The following OTOF variants were observed in gnomAD, a reference collection of about 807,000 sequenced individuals.
OTOF encodes the protein otoferlin, also known as fer-1-like family member 2.
Under a neutral mutation model 236.8 loss-of-function variants are expected in OTOF, and 218 were observed. The ratio of observed to expected loss-of-function variants is 0.92; its 90% CI spans 0.82 to 1.03. OTOF has a LOEUF of 1.03. OTOF is among the 50% of genes least tolerant of loss of function. The probability of loss-of-function intolerance (pLI) is 0.00; values close to 1 mark genes in which losing one functional copy is unlikely to be tolerated. For synonymous variants in OTOF, 1,041 were observed against 1,072.5 expected (o/e 0.97, Z 0.57); for missense variants, 2,590 against 2,694.4 (o/e 0.96, Z 0.86).
At chr2:26,506,274 T>C (rs1388030695) in intron 5 of OTOF, among the ~76,000 whole-genome samples, 1 of 152,234 alleles carries the variant, frequency 6.6e-6, no homozygotes, top group East Asian at 1.9e-4. Flanking sequence ...GGCTCAGCGT[T>C]TGACTTTGCA....
chr2:26,482,772 G>C (rs1308969621), intron 13 of OTOF, among the ~76,000 whole-genome samples, 180 bp from the exon 14 acceptor site: 20 of 137,592 alleles, frequency 1.5e-4, no homozygotes, highest in African/African-American at 5.4e-4. Flanking sequence ...TGTGTGAGTG[G>C]GTGCGCGTGC....
chr2:26,470,315 A>G lies in OTOF; in HGVS notation c.4023+278T>C, dbSNP rs150844313. ...GCAGGTGTGGCATCTTTTGGCTCCC[A>G]TAGCACCTAGTATGGAGCCTGGCTC... On this transcript the variant is annotated intron_variant, in intron 32 of 46. Coordinates refer to ENST00000272371, the MANE Select transcript of OTOF (RefSeq NM_194248.3). This position sits in a 1 kb window ranked among gnomAD's most constrained non-coding sequence, Gnocchi z 4.3. 6.4e-3 allele frequency among the ~76,000 whole-genome samples: 980 copies of G among 152,260 alleles called. 7 individuals carry two copies. Among genetic ancestry groups the G allele is most frequent in the Non-Finnish European group, 0.01 (695 of 68,024 alleles).
intron 16 of OTOF, 57 bp from the exon 17 acceptor site, chr2:26,479,710 C>A: frequency 1.3e-6 from 2 of 1,551,616 alleles, no homozygotes; most frequent in Non-Finnish European, 8.9e-7. Context: ...GCCCCTCCCA[C>A]CGTCCAATCC....
chr2:26,476,790 C>T lies in OTOF; in HGVS notation c.2676+101G>A, dbSNP rs1312092243. ...TTGGCTCTTCTCTGAGCACCTGCTGCTTGAAGGCCCCACCCTGTCACTCAG... is the reference window on the plus strand; with the variant it reads ...TTGGCTCTTCTCTGAGCACCTGCTGTTTGAAGGCCCCACCCTGTCACTCAG... On this transcript the variant is annotated intron_variant, in intron 22 of 46. Transcript: ENST00000272371. 4.7e-6 allele frequency: 5 copies of T among 1,060,864 alleles called. No individual in the cohort carries two copies. The African/African-American group carries it at 4.8e-5, about 10-fold the overall frequency. 65.7% of individuals were successfully genotyped at this position (1,060,864 alleles called of 1,614,324 possible). A position where few individuals can be genotyped will look rare whatever the true frequency, so the allele number is the denominator to read the frequency against.
Position 26,462,097 on chromosome 2 carries a change from G to A in OTOF, c.5277C>T (p.Asp1759=). 6.2e-7 allele frequency: 1 copy of A among 1,603,462 alleles called. No individual in the cohort carries two copies. Among genetic ancestry groups the A allele is most frequent in the Non-Finnish European group, 8.5e-7 (1 of 1,171,282 alleles). Reference sequence around the variant, plus strand: ...TGCTCACCCACCCCCTCACGAAGATGTCACTGGACTTCTCCCCTGTGAAGA... The same window carrying A: ...TGCTCACCCACCCCCTCACGAAGATATCACTGGACTTCTCCCCTGTGAAGA... ...DDFFTGEKSS[D]IFVRGWLKGQ... The change falls in exon 42 of 47, where the codon GAC becomes GAT. Residue 1759 remains aspartate, a synonymous_variant. Coordinates refer to ENST00000272371, the MANE Select transcript of OTOF (RefSeq NM_194248.3). The surrounding 1 kb of genome is among the most constrained non-coding windows in gnomAD (Gnocchi z 4.7).
At chr2:26,533,903 G>C (rs1667007178) in intron 2 of OTOF, among the ~76,000 whole-genome samples, 1 of 152,032 alleles carries the variant, frequency 6.6e-6, no homozygotes, top group South Asian at 2.1e-4. Context: ...GGTACAAGCA[G>C]AAAGGGGCAG....
At position 26,482,517 on chromosome 2, in the gene OTOF, G is replaced by C. The variant is rs1259277847; in HGVS notation, c.1468C>G (p.Pro490Ala). The C allele has an allele frequency of 6.8e-6, 11 of 1,613,248 alleles. No individual in the cohort carries two copies. The South Asian group carries it at 7.7e-5, about 11-fold the overall frequency. The change falls in exon 14 of 47, where the codon CCA becomes GCA. Residue 490 changes from proline (P) to alanine (A), a missense_variant. Physicochemically the swap from Pro to Ala is conservative, Grantham distance 27. This residue lies in a region of OTOF where 1,379 missense variants were observed against 1,341.6 expected (regional missense o/e 1.03). Coordinates refer to ENST00000272371, the MANE Select transcript of OTOF (RefSeq NM_194248.3). ...EQVVFTDLFP[P>A]LCKRMKVQIR... Reference sequence around the variant, plus strand: ...TGCACCTTCATGCGTTTGCAGAGTGGGGGGAAGAGGTCTGTAAAGACGACC... The same window carrying C: ...TGCACCTTCATGCGTTTGCAGAGTGCGGGGAAGAGGTCTGTAAAGACGACC...
intron 5 of OTOF, among the ~76,000 whole-genome samples, chr2:26,515,868 T>C (rs1343643810): frequency 1.3e-5 from 2 of 152,216 alleles, no homozygotes; most frequent in Non-Finnish European, 2.9e-5. Context: ...CTGTGATCCA[T>C]AGGTGGCAGG....
chr2:26,481,617 C>T (rs980461703), intron 14 of OTOF, among the ~76,000 whole-genome samples: 3 of 152,160 alleles, frequency 2.0e-5, no homozygotes, highest in African/African-American at 7.2e-5. Flanking sequence ...ATATACTTCA[C>T]ATGACATAAA....
At chr2:26,534,614 G>C (rs540330621) in intron 2 of OTOF, among the ~76,000 whole-genome samples, 1 of 152,284 alleles carries the variant, frequency 6.6e-6, no homozygotes, top group East Asian at 1.9e-4. Flanking sequence ...CCCTTACCTA[G>C]TAGAGCTGTG....
At chr2:26,480,740 G>A (rs1401188200) in intron 15 of OTOF, 46 bp downstream of exon 15, 3 of 1,506,554 alleles carry the variant, frequency 2.0e-6, no homozygotes, top group East Asian at 2.3e-5. Flanking sequence ...GGAGAAGGGG[G>A]CTGAGCTGGA....
At chr2:26,505,200 C>T (rs1257860734) in intron 5 of OTOF, among the ~76,000 whole-genome samples, 1 of 152,118 alleles carries the variant, frequency 6.6e-6, no homozygotes, top group Admixed American at 6.5e-5. Context: ...ACCCTTTTCA[C>T]GTGGCAGCAG....
intron 1 of OTOF, among the ~76,000 whole-genome samples, chr2:26,545,431 A>G (rs1667308303): frequency 6.6e-6 from 1 of 152,130 alleles, no homozygotes; most frequent in East Asian, 1.9e-4. Context: ...AAATGTGAAT[A>G]TTTTCTTCCT....
At chr2:26,458,873 A>G (rs1208114897) in intron 46 of OTOF, among the ~76,000 whole-genome samples, 1 of 152,276 alleles carries the variant, frequency 6.6e-6, no homozygotes, top group Non-Finnish European at 1.5e-5. Context: ...AGCTGAGCTC[A>G]GTATTGGTGG....
intron 8 of OTOF, among the ~76,000 whole-genome samples, chr2:26,499,705 T>C (rs1257544277): frequency 6.6e-6 from 1 of 152,108 alleles, no homozygotes; most frequent in African/African-American, 2.4e-5. Flanking sequence ...GAGACGGGGT[T>C]TCACCATGTT....
intron 1 of OTOF, among the ~76,000 whole-genome samples, chr2:26,544,912 G>A (rs1000731051): frequency 2.2e-4 from 33 of 151,736 alleles, no homozygotes; most frequent in African/African-American, 7.8e-4. Context: ...GTGGTGGTGC[G>A]AACCTGTAGT....
intron 30 of OTOF, chr2:26,472,307 C>T (rs1458297364): frequency 4.8e-6 from 3 of 628,042 alleles, no homozygotes; most frequent in Non-Finnish European, 8.8e-6. Flanking sequence ...CACACACATG[C>T]ACATTTACAT....
intron 2 of OTOF, among the ~76,000 whole-genome samples, chr2:26,530,082 C>A (rs138389841): frequency 6.6e-6 from 1 of 152,074 alleles, no homozygotes; most frequent in East Asian, 1.9e-4. Context: ...GCCGCAGGAG[C>A]CACCGAGATT....
chr2:26,536,303 G>A (rs895171157), intron 2 of OTOF, among the ~76,000 whole-genome samples: 3 of 152,192 alleles, frequency 2.0e-5, no homozygotes, highest in African/African-American at 7.2e-5. Flanking sequence ...ATGGTGGCAG[G>A]TTTAGAAACT....
Sources: allele counts gnomAD v4.1 joint callset (sites outside exome capture counted in the v4.1 genomes callset), GRCh38; gene constraint gnomAD v4.1.1; regional missense constraint gnomAD v4.1.1; non-coding constraint Gnocchi (gnomAD v3.1); transcripts MANE v1.5; gene names NCBI Gene and HGNC (gene_info 2026-07-23, HGNC 2026-07-21).